The following GREM2 variants were observed in gnomAD, a reference collection of about 807,000 sequenced individuals.
GREM2 encodes the protein gremlin 2, DAN family BMP antagonist, also known as gremlin-2.
Under a neutral mutation model 14.2 loss-of-function variants are expected in GREM2, and 11 were observed. The observed-to-expected ratio is 0.78, with a 90% CI of 0.49 to 1.28. The LOEUF is 1.28. Ranked by LOEUF, GREM2 falls within the 50% of genes most tolerant of loss-of-function variation. GREM2 has a pLI of 0.00. For synonymous variants in GREM2, 98 were observed against 97.6 expected (o/e 1.00, Z -0.02); for missense variants, 210 against 218.5 (o/e 0.96, Z 0.24).
At chr1:240,521,738 T>C (rs934726882) in intron 1 of GREM2, among the ~76,000 whole-genome samples, 2 of 152,166 alleles carry the variant, frequency 1.3e-5, no homozygotes, top group Admixed American at 6.5e-5. Context: ...CAACTCTTTC[T>C]ACCTGTAAGG....
chr1:240,552,424 A>T (rs1472658211), intron 1 of GREM2, among the ~76,000 whole-genome samples: 2 of 152,120 alleles, frequency 1.3e-5, no homozygotes, highest in Admixed American at 6.5e-5. Context: ...GTACAAAAAA[A>T]TTAAAAAGTA....
chr1:240,592,341 C>T (rs1679730700), intron 1 of GREM2, among the ~76,000 whole-genome samples: 1 of 152,062 alleles, frequency 6.6e-6, no homozygotes, highest in Non-Finnish European at 1.5e-5. Context: ...GAGATACCAT[C>T]ATAACAGTGG....
intron 1 of GREM2, among the ~76,000 whole-genome samples, chr1:240,609,981 CA>C (rs1400204185): frequency 3.3e-5 from 5 of 151,932 alleles, no homozygotes; most frequent in African/African-American, 1.2e-4. Flanking sequence ...AGAATGATAG[CA>C]AAAAACAATG....
rs192624180 is a variant in GREM2 at position 240,500,525 on chromosome 1, G to A, written c.-1-7049C>T. Among the ~76,000 whole-genome samples, 99 of 152,010 alleles carry A rather than the reference G, an allele frequency of 6.5e-4. 2 individuals carry two copies. The South Asian group carries it at 7.5e-3, about 12-fold the overall frequency. On this transcript the variant is annotated intron_variant, in intron 1 of 1. Coordinates refer to ENST00000318160, the MANE Select transcript of GREM2 (RefSeq NM_022469.4). ...TCACCGTGTTGGCCAGGCTGGTCTCGAACTTCTAGCCTCAAGTGATCCATT... is the reference window on the plus strand; with the variant it reads ...TCACCGTGTTGGCCAGGCTGGTCTCAAACTTCTAGCCTCAAGTGATCCATT...
Position 240,542,151 on chromosome 1 carries a change from A to G in GREM2, c.-1-48675T>C, listed in dbSNP as rs1318065687. Among the ~76,000 whole-genome samples, 3 of 152,084 alleles carry G rather than the reference A, an allele frequency of 2.0e-5. No homozygotes were observed. Among genetic ancestry groups the G allele is most frequent in the East Asian group, 1.9e-4 (1 of 5,162 alleles). On this transcript the variant is annotated intron_variant, in intron 1 of 1. Coordinates refer to ENST00000318160, the MANE Select transcript of GREM2 (RefSeq NM_022469.4). This position sits in a 1 kb window ranked among gnomAD's most constrained non-coding sequence, Gnocchi z 4.1. Reference sequence around the variant, plus strand: ...CCGAACATCCTGCAATGCACAAGACAGTCCTCCACGACAAAACACCATCCT... The same window carrying G: ...CCGAACATCCTGCAATGCACAAGACGGTCCTCCACGACAAAACACCATCCT...
intron 1 of GREM2, among the ~76,000 whole-genome samples, chr1:240,519,969 A>G (rs1021147306): frequency 2.6e-5 from 4 of 152,116 alleles, no homozygotes; most frequent in Non-Finnish European, 4.4e-5. Flanking sequence ...AATCCCAGCT[A>G]CTCAGGAGGC....
At chr1:240,523,245 A>C (rs1342352477) in intron 1 of GREM2, among the ~76,000 whole-genome samples, 1 of 152,118 alleles carries the variant, frequency 6.6e-6, no homozygotes, top group Non-Finnish European at 1.5e-5. Context: ...GGCATGTGTC[A>C]CCAGGCCTGG....
At chr1:240,555,062 T>C (rs958820151) in intron 1 of GREM2, among the ~76,000 whole-genome samples, 2 of 152,036 alleles carry the variant, frequency 1.3e-5, no homozygotes, top group Non-Finnish European at 2.9e-5. Context: ...AGAGAATCAC[T>C]TGAACCCGGG....
At chr1:240,514,177 G>A (rs1221562896) in intron 1 of GREM2, among the ~76,000 whole-genome samples, 1 of 149,818 alleles carries the variant, frequency 6.7e-6, no homozygotes, top group East Asian at 2.0e-4. Flanking sequence ...AACCCAGGAG[G>A]TGGAGGTTTC....
chr1:240,501,881 G>A (rs754525981), intron 1 of GREM2, among the ~76,000 whole-genome samples: 1 of 152,174 alleles, frequency 6.6e-6, no homozygotes, highest in Non-Finnish European at 1.5e-5. Context: ...AGGACCATGA[G>A]TTTTATTTGA....
At chr1:240,575,529 A>AT (rs952013354) in intron 1 of GREM2, among the ~76,000 whole-genome samples, 7 of 97,480 alleles carry the variant, frequency 7.2e-5, no homozygotes, top group Middle Eastern at 5.2e-3. Flanking sequence ...TTTTAATTTT[A>AT]TTTTTTTTTC....
chr1:240,496,592 A>C (rs1411632235), intron 1 of GREM2, among the ~76,000 whole-genome samples: 2 of 152,120 alleles, frequency 1.3e-5, no homozygotes, highest in Non-Finnish European at 2.9e-5. Flanking sequence ...TCATAATCAC[A>C]CTTGTCTTTC....
intron 1 of GREM2, among the ~76,000 whole-genome samples, chr1:240,521,957 A>AC (rs956164461): frequency 2.0e-5 from 3 of 151,330 alleles, no homozygotes; most frequent in African/African-American, 4.9e-5. Flanking sequence ...ACCAAAAAAA[A>AC]AATTTTTTTT....
intron 1 of GREM2, among the ~76,000 whole-genome samples, chr1:240,547,926 G>A (rs1678772168): frequency 6.6e-6 from 1 of 151,906 alleles, no homozygotes; most frequent in Admixed American, 6.6e-5. Flanking sequence ...TTATCTGATG[G>A]GAGAAGAAAG....
chr1:240,539,410 C>G lies in GREM2; in HGVS notation c.-1-45934G>C, dbSNP rs545339161. Among the ~76,000 whole-genome samples the G allele has an allele frequency of 1.3e-4, 20 of 152,300 alleles. 1 individual carries two copies. The South Asian group carries it at 4.1e-3, about 32-fold the overall frequency. ...AACAAAAGAGGAAAATGTGTACCTA[C>G]TACTTTGAGATGAGAGGGGAGCCAC... On this transcript the variant is annotated intron_variant, in intron 1 of 1. Coordinates refer to ENST00000318160, the MANE Select transcript of GREM2 (RefSeq NM_022469.4).
At chr1:240,560,900 C>G (rs1213555329) in intron 1 of GREM2, among the ~76,000 whole-genome samples, 1 of 152,160 alleles carries the variant, frequency 6.6e-6, no homozygotes, top group Non-Finnish European at 1.5e-5. Flanking sequence ...TATTTCACAG[C>G]CGCTCTTTTT....
chr1:240,583,508 C>T (rs1679531379), intron 1 of GREM2, among the ~76,000 whole-genome samples: 1 of 152,118 alleles, frequency 6.6e-6, no homozygotes, highest in South Asian at 2.1e-4. Context: ...CTATAATTTG[C>T]TCTGATGACC....
intron 1 of GREM2, among the ~76,000 whole-genome samples, chr1:240,568,341 A>C (rs953595751): frequency 6.6e-6 from 1 of 152,148 alleles, no homozygotes; most frequent in African/African-American, 2.4e-5. Flanking sequence ...CAGTTATAGC[A>C]ATATGCCAAC....
intron 1 of GREM2, among the ~76,000 whole-genome samples, chr1:240,587,861 G>A (rs912215396): frequency 9.2e-5 from 14 of 152,060 alleles, no homozygotes; most frequent in Non-Finnish European, 1.9e-4. Context: ...TATTCTCTTT[G>A]GCCTGATTTG....
Sources: gnomAD v4.1 joint callset for allele counts (sites outside exome capture counted in the v4.1 genomes callset) on GRCh38, gnomAD v4.1.1 for gene constraint, Gnocchi (gnomAD v3.1) non-coding constraint, MANE v1.5 for transcripts, NCBI Gene and HGNC (gene_info 2026-07-23, HGNC 2026-07-21) for gene names.